VPS45: variants seen among roughly 807,000 people sequenced by gnomAD.
The protein encoded by VPS45 is vacuolar protein sorting 45 homolog, also known as vacuolar protein sorting-associated protein 45.
Under a neutral mutation model 75.9 loss-of-function variants are expected in VPS45, and 35 were observed. That is an observed-to-expected ratio of 0.46 (90% CI 0.35 to 0.61). VPS45 has a LOEUF of 0.61. VPS45 is among the 20% of genes least tolerant of loss of function. The pLI is 0.00. For missense variants in VPS45, 559 were observed against 685.9 expected (o/e 0.81, Z 2.07); for synonymous variants, 220 against 238.2 (o/e 0.92, Z 0.70).
chr1:150,144,999 CT>C lies in VPS45; in HGVS notation c.*207del. 1 of 1,367,406 alleles carries C rather than the reference CT, an allele frequency of 7.3e-7. No homozygotes were observed. The highest frequency in any genetic ancestry group is 9.9e-7 in the Non-Finnish European group (1 of 1,011,288). The allele number at this position is 1,367,406 out of a possible 1,614,324, so 84.7% of individuals were successfully genotyped here. A position where few individuals can be genotyped will look rare whatever the true frequency, so the allele number is the denominator to read the frequency against. On this transcript the variant is annotated 3_prime_UTR_variant, in exon 15 of 15. Coordinates refer to ENST00000644510, the MANE Select transcript of VPS45 (RefSeq NM_007259.5). ...ATAAGTCTGAGCCCATCTCAACCCA[CT>C]TTTCTCCGGTAGTCTTTATGTATCT... is the stretch of plus-strand genomic sequence containing the variant.
chr1:150,097,597 T>C (rs1656742180), intron 13 of VPS45, among the ~76,000 whole-genome samples: 1 of 151,590 alleles, frequency 6.6e-6, no homozygotes. Flanking sequence ...CATGCACCTG[T>C]AGTCCCAGCT....
At chr1:150,101,566 TCTA>T (rs1559921609) in intron 13 of VPS45, among the ~76,000 whole-genome samples, 1 of 151,748 alleles carries the variant, frequency 6.6e-6, no homozygotes, top group Non-Finnish European at 1.5e-5. Flanking sequence ...AAACCCCTTC[TCTA>T]CTAAAAATAC....
At chr1:150,098,470 A>G (rs1166910283) in intron 13 of VPS45, among the ~76,000 whole-genome samples, 3 of 152,224 alleles carry the variant, frequency 2.0e-5, no homozygotes, top group Admixed American at 6.5e-5. Flanking sequence ...AGATTTTTGA[A>G]GTTCATAAAC....
intron 13 of VPS45, among the ~76,000 whole-genome samples, chr1:150,108,272 G>A (rs1280287256): frequency 6.6e-6 from 1 of 152,184 alleles, no homozygotes; most frequent in Non-Finnish European, 1.5e-5. Flanking sequence ...ATCAGCAGAT[G>A]TATTTACAAC....
At chr1:150,143,582 C>T (rs1254848630) in intron 14 of VPS45, among the ~76,000 whole-genome samples, 52 of 50,648 alleles carry the variant, frequency 1.0e-3, no homozygotes, top group African/African-American at 3.6e-3. Flanking sequence ...AGCAAGACTC[C>T]GTCTCAAAAA....
intron 2 of VPS45, among the ~76,000 whole-genome samples, chr1:150,070,152 G>A (rs1654973426): frequency 6.6e-6 from 1 of 152,004 alleles, no homozygotes; most frequent in African/African-American, 2.4e-5. Flanking sequence ...CCCCTTATAT[G>A]CATTTACAAC....
At chr1:150,122,765 G>A (rs1571898840) in intron 14 of VPS45, among the ~76,000 whole-genome samples, 5 of 151,952 alleles carry the variant, frequency 3.3e-5, no homozygotes, top group Admixed American at 2.6e-4. Flanking sequence ...TTGGGAGGCT[G>A]AGGCGGGTGG....
chr1:150,081,347 A>T lies in VPS45; in HGVS notation c.693A>T (p.Thr231=), dbSNP rs1655694712. Residue 231 remains threonine, a synonymous_variant, in exon 8 of 15, where the codon ACA becomes ACT. Transcript: ENST00000644510. ...TTTCATAATTCTTTATTTAGTGGAC[A>T]TATCAGGCCATGGTCCACGAACTAC... ...DAITPLLNQW[T]YQAMVHELLG... is the part of the protein sequence containing the mutation. The T allele has an allele frequency of 2.5e-6, 4 of 1,595,186 alleles. No individual in the cohort carries two copies. Among genetic ancestry groups the T allele is most frequent in the Non-Finnish European group, 3.4e-6 (4 of 1,174,304 alleles).
chr1:150,086,227 A>G (rs1320762366), intron 10 of VPS45, among the ~76,000 whole-genome samples: 5 of 151,876 alleles, frequency 3.3e-5, no homozygotes, highest in African/African-American at 4.8e-5. Flanking sequence ...ATTCCTAACC[A>G]CTCTAAAACT....
Position 150,072,759 on chromosome 1 carries a change from T to C in VPS45, c.289+533T>C, listed in dbSNP as rs1399738699. On this transcript the variant is annotated intron_variant, in intron 3 of 14. Coordinates refer to ENST00000644510, the MANE Select transcript of VPS45 (RefSeq NM_007259.5). ...AAATTAAAAATTTTACATTTTACTT[T>C]GCCTTTCAAGATGCTTTGTAAGTCA... 5.9e-5 allele frequency among the ~76,000 whole-genome samples: 9 copies of C among 152,270 alleles called. No individual in the cohort carries two copies. The East Asian group carries it at 1.3e-3, about 23-fold the overall frequency.
At chr1:150,120,602 T>C (rs1051670614) in intron 14 of VPS45, among the ~76,000 whole-genome samples, 1 of 152,202 alleles carries the variant, frequency 6.6e-6, no homozygotes, top group Admixed American at 6.5e-5. Context: ...AAAGTGGCTC[T>C]TTCTTGCATA....
At position 150,103,369 on chromosome 1, in the gene VPS45, T is replaced by C. The variant is rs1023504465; in HGVS notation, c.1494-7127T>C. ...AAATGTCAGGGGTATTTAAACATTG[T>C]TTTTCATAGACGTTCTTCCTTAAGT... On this transcript the variant is annotated intron_variant, in intron 13 of 14. Transcript: ENST00000644510. Among the ~76,000 whole-genome samples, 29 of 152,202 alleles carry C rather than the reference T, an allele frequency of 1.9e-4. 1 individual carries two copies. The highest frequency in any genetic ancestry group is 1.3e-4 in the Admixed American group (2 of 15,284).
At chr1:150,115,930 A>G (rs912299261) in intron 14 of VPS45, among the ~76,000 whole-genome samples, 3 of 152,196 alleles carry the variant, frequency 2.0e-5, no homozygotes, top group Non-Finnish European at 4.4e-5. Context: ...TTGTAGCATC[A>G]GTTTATACTT....
At chr1:150,078,353 T>A (rs1655512324) in intron 7 of VPS45, among the ~76,000 whole-genome samples, 1 of 152,202 alleles carries the variant, frequency 6.6e-6, no homozygotes. Flanking sequence ...CTTACATAGA[T>A]AATGCCACAT....
intron 7 of VPS45, among the ~76,000 whole-genome samples, chr1:150,079,040 G>C (rs1655550483): frequency 6.7e-6 from 1 of 149,988 alleles, no homozygotes; most frequent in Non-Finnish European, 1.5e-5. Context: ...GAACCTGGGA[G>C]GCAGAGGTTG....
At chr1:150,138,306 G>A (rs868929906) in intron 14 of VPS45, among the ~76,000 whole-genome samples, 9 of 152,108 alleles carry the variant, frequency 5.9e-5, no homozygotes, top group Middle Eastern at 3.4e-3. Context: ...GCTATGTTGC[G>A]CAGGCTGGTC....
rs782782537 is a variant in VPS45 at position 150,097,939 on chromosome 1, A to G, written c.1493+4291A>G. Among the ~76,000 whole-genome samples the G allele has an allele frequency of 6.6e-5, 10 of 151,844 alleles. 1 individual carries two copies. The highest frequency in any genetic ancestry group is 5.3e-4 in the Admixed American group (8 of 15,228). On this transcript the variant is annotated intron_variant, in intron 13 of 14. Coordinates refer to ENST00000644510, the MANE Select transcript of VPS45 (RefSeq NM_007259.5). Reference sequence around the variant, plus strand: ...GTGATTTCAGCTCACTGCAGCCTCCACCTTTTGGGCTTAAGCCATCCCACC... The same window carrying G: ...GTGATTTCAGCTCACTGCAGCCTCCGCCTTTTGGGCTTAAGCCATCCCACC...
chr1:150,129,963 C>T (rs1274240489), intron 14 of VPS45, among the ~76,000 whole-genome samples: 2 of 151,574 alleles, frequency 1.3e-5, no homozygotes, highest in African/African-American at 4.9e-5. Flanking sequence ...GCAGTCCTCC[C>T]ACCTCAGCCT....
intron 10 of VPS45, among the ~76,000 whole-genome samples, chr1:150,087,416 A>C (rs1656075089): frequency 6.6e-6 from 1 of 152,228 alleles, no homozygotes; most frequent in Non-Finnish European, 1.5e-5. Flanking sequence ...GGCTGATGGA[A>C]AATTTAATAA....
Sources: allele counts gnomAD v4.1 joint callset (sites outside exome capture counted in the v4.1 genomes callset), GRCh38; gene constraint gnomAD v4.1.1; transcripts MANE v1.5; gene names NCBI Gene and HGNC (gene_info 2026-07-23, HGNC 2026-07-21).